Variants in PLB1 observed in about 807,000 individuals in gnomAD.
PLB1 encodes the protein phospholipase B1, membrane-associated.
A neutral mutation model predicts 227.4 loss-of-function variants in PLB1; 242 were observed. The observed-to-expected ratio is 1.06, with a 90% CI of 0.96 to 1.18. The LOEUF (loss-of-function observed/expected upper bound fraction) is 1.18, where lower values mean the gene tolerates loss of function less well. PLB1 is among the 50% of genes most tolerant of loss of function. PLB1 has a pLI of 0.00. For synonymous variants in PLB1, 757 were observed against 682.2 expected, an observed-to-expected ratio of 1.11 and a Z score of -1.71; for missense variants, 1,858 against 1,816.3, an observed-to-expected ratio of 1.02 and a Z score of -0.42.
intron 19 of PLB1, among the ~76,000 whole-genome samples, chr2:28,566,124 A>G (rs1021191271): frequency 3.3e-5 from 5 of 152,102 alleles, no homozygotes; most frequent in Admixed American, 3.3e-4. Context: ...TGGCATCTCT[A>G]TCTGACACCT....
chr2:28,555,246 A>T (rs963179888), intron 17 of PLB1, among the ~76,000 whole-genome samples: 1 of 148,188 alleles, frequency 6.7e-6, no homozygotes, highest in Non-Finnish European at 1.5e-5. Context: ...GGTTCAAGCG[A>T]TTCTCCTGCC....
chr2:28,540,896 C>T (rs923451219), intron 12 of PLB1, among the ~76,000 whole-genome samples: 9 of 152,192 alleles, frequency 5.9e-5, no homozygotes, highest in Admixed American at 2.6e-4. Flanking sequence ...AGGGGTTGGG[C>T]GTGGTGGCTC....
intron 1 of PLB1, among the ~76,000 whole-genome samples, chr2:28,513,813 T>G (rs1668539471): frequency 6.6e-6 from 1 of 152,214 alleles, no homozygotes; most frequent in Admixed American, 6.5e-5. Context: ...CATCCTCTTT[T>G]GAGCCCTATT....
chr2:28,539,089 GTCC>G lies in PLB1; in HGVS notation c.619-5_619-3del. ...CAAATACTCACCTCCCTCTCTGTGTGTCCTCCTAGGTCCCCAGAGCATTTGTAA... is the reference window on the plus strand; with the variant it reads ...CAAATACTCACCTCCCTCTCTGTGTGTCCTAGGTCCCCAGAGCATTTGTAA... On this transcript the variant is annotated splice_region_variant and splice_polypyrimidine_tract_variant and intron_variant, in intron 10 of 57. Coordinates refer to ENST00000327757, the MANE Select transcript of PLB1 (RefSeq NM_153021.5). 2 of 1,608,428 alleles carry G rather than the reference GTCC, an allele frequency of 1.2e-6. 1 individual carries two copies. The highest frequency in any genetic ancestry group is 1.7e-6 in the Non-Finnish European group (2 of 1,174,730).
Position 28,598,728 on chromosome 2 carries a change from C to T in PLB1, c.2442C>T (p.Phe814=). 1 of 1,614,226 alleles carries T rather than the reference C, an allele frequency of 6.2e-7. No homozygotes were observed. Among genetic ancestry groups the T allele is most frequent in the South Asian group, 1.1e-5 (1 of 91,088 alleles). Residue 814 remains phenylalanine, a synonymous_variant, in exon 35 of 58, where the codon TTC becomes TTT. Coordinates refer to ENST00000327757, the MANE Select transcript of PLB1 (RefSeq NM_153021.5). ...GTGATGCCAATGACACGAATGCATTCCTCAATCAAGCTGTTCCCGGAGCAA... is the reference window on the plus strand; with the variant it reads ...GTGATGCCAATGACACGAATGCATTTCTCAATCAAGCTGTTCCCGGAGCAA... The part of the protein sequence containing the change: ...GTGDANDTNA[F]LNQAVPGAKA...
At chr2:28,581,526 T>TAAATAAAA (rs1330300951) in intron 23 of PLB1, among the ~76,000 whole-genome samples, 1 of 137,792 alleles carries the variant, frequency 7.3e-6, no homozygotes, top group Non-Finnish European at 1.5e-5. Flanking sequence ...AATAAATAAA[T>TAAATAAAA]AAATAAATAA....
chr2:28,507,600 A>G (rs113406133), intron 1 of PLB1, among the ~76,000 whole-genome samples: 3 of 152,322 alleles, frequency 2.0e-5, no homozygotes, highest in African/African-American at 7.2e-5. Flanking sequence ...GGACACATCC[A>G]AACCACAGCA....
At chr2:28,546,081 G>A (rs1673216960) in intron 14 of PLB1, among the ~76,000 whole-genome samples, 1 of 150,930 alleles carries the variant, frequency 6.6e-6, no homozygotes, top group Non-Finnish European at 1.5e-5. Flanking sequence ...CAGCATGGGA[G>A]GTGACAGCAG....
At chr2:28,614,158 G>A (rs73922201) in intron 44 of PLB1, 62 bp downstream of exon 44, 22 of 1,444,870 alleles carry the variant, frequency 1.5e-5, no homozygotes, top group Admixed American at 8.4e-5. Context: ...CCAGGGGCTC[G>A]GGTGTGGTAC....
rs140703054 is a variant in PLB1, at chr2:28,529,325, G to C, written c.334G>C (p.Asp112His). Residue 112 changes from aspartate (D) to histidine (H), a missense_variant, in exon 7 of 58, where the codon GAC (aspartate) becomes CAC (histidine). Transcript: ENST00000327757. ...VCMGVMTVLSDIIRYFSPSVP... is the reference protein window; with the variant it reads ...VCMGVMTVLSHIIRYFSPSVP... ...ACCAGTTCTCTCTTTAGTCCTTTCA[G>C]ACATCATCAGATATTTCAGTCCTTC... 5.3e-5 allele frequency: 85 copies of C among 1,608,436 alleles called. No homozygotes were observed. The African/African-American group carries it at 9.9e-4, about 19-fold the overall frequency.
intron 6 of PLB1, among the ~76,000 whole-genome samples, chr2:28,527,251 G>A (rs1186310233): frequency 6.6e-6 from 1 of 152,186 alleles, no homozygotes; most frequent in Non-Finnish European, 1.5e-5. Context: ...GAGGGGCCAG[G>A]AGTCCCAGCT....
intron 52 of PLB1, 31 bp downstream of exon 52, chr2:28,628,659 C>T (rs751082908): frequency 1.2e-5 from 20 of 1,602,506 alleles, no homozygotes; most frequent in East Asian, 6.7e-5. Context: ...TCCTGGGTCC[C>T]GCCAGCCACC....
chr2:28,543,452 G>A (rs1020188897), intron 14 of PLB1, among the ~76,000 whole-genome samples, 184 bp downstream of exon 14: 5 of 152,188 alleles, frequency 3.3e-5, no homozygotes, highest in Middle Eastern at 3.2e-3. Context: ...ACTTTGCCTC[G>A]CCACAGGTTC....
intron 56 of PLB1, among the ~76,000 whole-genome samples, chr2:28,636,206 A>G (rs1005292796): frequency 6.6e-6 from 1 of 152,120 alleles, no homozygotes; most frequent in Admixed American, 6.5e-5. Flanking sequence ...TTATAGGTGC[A>G]TGCCACCATG....
At chr2:28,554,812 T>C (rs1444007539) in intron 17 of PLB1, among the ~76,000 whole-genome samples, 1 of 152,130 alleles carries the variant, frequency 6.6e-6, no homozygotes, top group Non-Finnish European at 1.5e-5. Context: ...CTGGGTAAAA[T>C]GTAAACCTCT....
Position 28,619,519 on chromosome 2 carries a change from G to GGTTTTT in PLB1, c.3316-746_3316-745insGTTTTT, listed in dbSNP as rs1553459984. Among the ~76,000 whole-genome samples the GGTTTTT allele has an allele frequency of 3.2e-5, 4 of 124,610 alleles. 1 individual carries two copies. The highest frequency in any genetic ancestry group is 6.4e-5 in the African/African-American group (2 of 31,340). 81.7% of individuals were successfully genotyped at this position (124,610 alleles called of 152,430 possible). A position where few individuals can be genotyped will look rare whatever the true frequency, so the allele number is the denominator to read the frequency against. The stretch of plus-strand genomic sequence containing the variant: ...ATCTGTTACTTTTGTAAATTTCAAG[G>GGTTTTT]TTTTGTTTTTTTTTTTTTTTTTAAG... On this transcript the variant is annotated intron_variant, in intron 46 of 57. Transcript: ENST00000327757.
At chr2:28,630,008 G>T (rs980740180) in intron 53 of PLB1, among the ~76,000 whole-genome samples, 2 of 152,164 alleles carry the variant, frequency 1.3e-5, no homozygotes, top group African/African-American at 2.4e-5. Context: ...CTGCTCTCTC[G>T]CAGGGAACGG....
intron 33 of PLB1, among the ~76,000 whole-genome samples, chr2:28,596,736 C>T (rs10171628): frequency 0.74 from 112,266 of 152,178 alleles, 42,020 homozygotes; most frequent in African/African-American, 0.79. Flanking sequence ...AGACATCTAA[C>T]GGAAGGGTGG....
intron 38 of PLB1, 81 bp from the exon 39 acceptor site, chr2:28,602,740 G>C (rs67964454): frequency 7.9e-7 from 1 of 1,264,124 alleles, no homozygotes; most frequent in Non-Finnish European, 1.1e-6. Context: ...GATTGCTAAA[G>C]GAACCCATTC....
Sources: gnomAD v4.1 joint callset for allele counts (sites outside exome capture counted in the v4.1 genomes callset) on GRCh38, gnomAD v4.1.1 for gene constraint, MANE v1.5 for transcripts, NCBI Gene and HGNC (gene_info 2026-07-23, HGNC 2026-07-21) for gene names.